Variants in ALPK2 observed in about 807,000 individuals in gnomAD.
ALPK2 encodes alpha-protein kinase 2.
A neutral mutation model predicts 163.1 loss-of-function variants in ALPK2; 127 were observed. The ratio of observed to expected loss-of-function variants is 0.78; its 90% CI spans 0.67 to 0.90. ALPK2 has a LOEUF of 0.90. ALPK2 is among the 40% of genes least tolerant of loss of function. ALPK2 has a pLI of 0.00. For synonymous variants in ALPK2, 953 were observed against 959.1 expected (o/e 0.99, Z 0.12); for missense variants, 2,360 against 2,589.6 (o/e 0.91, Z 1.92).
intron 3 of ALPK2, among the ~76,000 whole-genome samples, chr18:58,603,273 T>C (rs1336815160): frequency 6.6e-6 from 1 of 152,222 alleles, no homozygotes; most frequent in Non-Finnish European, 1.5e-5. Context: ...GCAGAAATCC[T>C]ATTTCTAAAT....
rs1049885672 is a variant in ALPK2, at chr18:58,516,789, A to C, written c.5940+119T>G. ...AGCATTGAGATTGAATTGAAACCCC[A>C]AAAGAGGAAAAACACCCTTTTGAAG... On this transcript the variant is annotated intron_variant, in intron 9 of 12. Transcript: ENST00000361673. 87 of 1,263,088 alleles carry C rather than the reference A, an allele frequency of 6.9e-5. 1 individual carries two copies. The highest frequency in any genetic ancestry group is 9.0e-5 in the Non-Finnish European group (81 of 898,176). 78.2% of individuals were successfully genotyped at this position (1,263,088 alleles called of 1,614,324 possible).
intron 6 of ALPK2, among the ~76,000 whole-genome samples, chr18:58,527,361 A>T (rs1483655047): frequency 1.3e-5 from 2 of 152,244 alleles, no homozygotes; most frequent in African/African-American, 2.4e-5. Context: ...AAGTGTTAGC[A>T]TGGAGAAAGC....
chr18:58,613,900 G>C (rs1287953526), intron 1 of ALPK2, among the ~76,000 whole-genome samples: 2 of 152,094 alleles, frequency 1.3e-5, no homozygotes, highest in Non-Finnish European at 1.5e-5. Context: ...CTGCTGCTTT[G>C]GAAGTTCCCA....
chr18:58,576,498 C>T, intron 4 of ALPK2, among the ~76,000 whole-genome samples: 1 of 152,190 alleles, frequency 6.6e-6, no homozygotes, highest in East Asian at 1.9e-4. Context: ...TTTAAAATGT[C>T]TTTTGAATTT....
chr18:58,613,321 C>T (rs1162903939), intron 1 of ALPK2, among the ~76,000 whole-genome samples: 1 of 152,040 alleles, frequency 6.6e-6, no homozygotes, highest in Non-Finnish European at 1.5e-5. Flanking sequence ...TTGCAGGGCC[C>T]GGTTCAAGAT....
intron 8 of ALPK2, among the ~76,000 whole-genome samples, chr18:58,520,428 CAA>C (rs61028795): frequency 8.0e-3 from 515 of 64,342 alleles, no homozygotes; most frequent in South Asian, 0.018. Flanking sequence ...GACTCCGTCT[CAA>C]AAAAAAAAAA....
At chr18:58,587,977 G>A (rs1367715016) in intron 3 of ALPK2, among the ~76,000 whole-genome samples, 2 of 152,140 alleles carry the variant, frequency 1.3e-5, no homozygotes, top group African/African-American at 4.8e-5. Context: ...AATACCCAAG[G>A]CTGAATAACC....
intron 2 of ALPK2, among the ~76,000 whole-genome samples, 188 bp from the exon 3 acceptor site, chr18:58,607,627 A>G (rs1039202665): frequency 1.3e-5 from 2 of 152,220 alleles, no homozygotes; most frequent in African/African-American, 2.4e-5. Context: ...AGCAGACACT[A>G]TTGAGCATGT....
At chr18:58,539,704 C>T (rs1256272488) in intron 4 of ALPK2, among the ~76,000 whole-genome samples, 3 of 152,172 alleles carry the variant, frequency 2.0e-5, no homozygotes, top group South Asian at 2.1e-4. Context: ...TATGACAAAA[C>T]AGAGCTGAAA....
rs778352225 is a variant in ALPK2, at chr18:58,536,455, G to A, written c.3732C>T (p.Ser1244=). 75 of 1,614,054 alleles carry A rather than the reference G, an allele frequency of 4.6e-5. No individual in the cohort carries two copies. The Middle Eastern group carries it at 9.9e-4, about 21-fold the overall frequency. The change falls in exon 5 of 13, where the codon TCC becomes TCT. Residue 1244 remains serine (S), a synonymous_variant. Coordinates refer to ENST00000361673, the MANE Select transcript of ALPK2 (RefSeq NM_052947.4). The part of the protein sequence containing the change: ...NKLKIITLEA[S]ASEIWPPRQL... ...GTCGTGGTGGCCAGATTTCAGAAGC[G>A]GAAGCCTCTAGAGTTATAATCTTCA...
At chr18:58,606,042 C>T (rs1339082761) in intron 3 of ALPK2, among the ~76,000 whole-genome samples, 1 of 152,148 alleles carries the variant, frequency 6.6e-6, no homozygotes, top group Admixed American at 6.5e-5. Flanking sequence ...AGCATTTCAA[C>T]CTTGGTAAAA....
At chr18:58,546,506 A>T (rs1430224495) in intron 4 of ALPK2, among the ~76,000 whole-genome samples, 1 of 152,224 alleles carries the variant, frequency 6.6e-6, no homozygotes, top group Non-Finnish European at 1.5e-5. Context: ...TAACGCTACT[A>T]TTAGTAGTAA....
At chr18:58,571,908 G>A (rs71357606) in intron 4 of ALPK2, among the ~76,000 whole-genome samples, 23,828 of 149,348 alleles carry the variant, frequency 0.16, 2,109 homozygotes, top group African/African-American at 0.22. Context: ...CCTGGGAGGC[G>A]GAGGTTGCAG....
At chr18:58,533,149 CG>C (rs2051624863) in intron 5 of ALPK2, among the ~76,000 whole-genome samples, 1 of 152,220 alleles carries the variant, frequency 6.6e-6, no homozygotes, top group African/African-American at 2.4e-5. Flanking sequence ...TCCCAGAAGG[CG>C]GCATGCTCGG....
intron 4 of ALPK2, 55 bp downstream of exon 4, chr18:58,578,759 C>CACACAT (rs2051936921): frequency 6.5e-7 from 1 of 1,527,428 alleles, no homozygotes; most frequent in African/African-American, 1.4e-5. Flanking sequence ...CACACACACA[C>CACACAT]ACACACACAC....
chr18:58,620,319 A>G (rs915343637), intron 1 of ALPK2, among the ~76,000 whole-genome samples: 1 of 152,234 alleles, frequency 6.6e-6, no homozygotes, highest in Non-Finnish European at 1.5e-5. Flanking sequence ...AAACAAAACT[A>G]TGGATACATG....
At chr18:58,495,047 C>T (rs998004953) in intron 12 of ALPK2, among the ~76,000 whole-genome samples, 1 of 152,094 alleles carries the variant, frequency 6.6e-6, no homozygotes, top group Non-Finnish European at 1.5e-5. Context: ...ATGCCCCATG[C>T]CCCATGCCCC....
intron 12 of ALPK2, 21 bp downstream of exon 12, chr18:58,498,028 A>G (rs1448693409): frequency 3.1e-6 from 5 of 1,612,994 alleles, no homozygotes; most frequent in Non-Finnish European, 3.4e-6. Context: ...ATTGATGCAC[A>G]CTCCATTTTT....
intron 4 of ALPK2, among the ~76,000 whole-genome samples, chr18:58,577,230 T>G (rs1375231590): frequency 6.6e-6 from 1 of 152,214 alleles, no homozygotes; most frequent in Non-Finnish European, 1.5e-5. Context: ...GGCTCTTCCC[T>G]CCAGCTCTTT....
Sources: gnomAD v4.1 joint callset for allele counts (sites outside exome capture counted in the v4.1 genomes callset) on GRCh38, gnomAD v4.1.1 for gene constraint, MANE v1.5 for transcripts, NCBI Gene and HGNC (gene_info 2026-07-23, HGNC 2026-07-21) for gene names.